The following TPCN2 variants were observed in gnomAD, a reference collection of about 807,000 sequenced individuals.
The protein encoded by TPCN2 is two pore segment channel 2.
In TPCN2, 92 loss-of-function variants were observed where a neutral mutation model predicts 111.4. The observed-to-expected ratio is 0.83, with a 90% CI of 0.70 to 0.98. The LOEUF (loss-of-function observed/expected upper bound fraction) is 0.98. TPCN2 is among the 50% of genes least tolerant of loss of function. TPCN2 has a pLI of 0.00. For synonymous variants in TPCN2, 405 were observed against 414.5 expected, an observed-to-expected ratio of 0.98 and a Z score of 0.28; for missense variants, 995 against 980.1, an observed-to-expected ratio of 1.02 and a Z score of -0.20.
At chr11:69,064,434 T>C (rs2134557085) in intron 7 of TPCN2, among the ~76,000 whole-genome samples, 1 of 152,230 alleles carries the variant, frequency 6.6e-6, no homozygotes, top group South Asian at 2.1e-4. Flanking sequence ...AAGGCTGCGC[T>C]GGCCTACTGG....
At chr11:69,069,122 G>C (rs2134576222) in intron 8 of TPCN2, among the ~76,000 whole-genome samples, 1 of 136,590 alleles carries the variant, frequency 7.3e-6, no homozygotes, top group African/African-American at 2.7e-5. Context: ...AGTGACCGCA[G>C]TGGGAGCAGG....
intron 23 of TPCN2, 47 bp from the exon 24 acceptor site, chr11:69,087,065 C>T: frequency 6.4e-7 from 1 of 1,554,606 alleles, no homozygotes. Context: ...GGCAAGGCTG[C>T]TTTCATTCGG....
At chr11:69,085,777 A>C (rs1173796873) in intron 21 of TPCN2, 25 bp downstream of exon 21, 2 of 1,593,668 alleles carry the variant, frequency 1.3e-6, no homozygotes. Flanking sequence ...CTGTCCCAGC[A>C]CCCTGCTCCC....
rs961201910 is a variant in TPCN2, at chr11:69,055,492, C to G, written c.429+140C>G. Reference sequence around the variant, plus strand: ...ACTTTGACCCGGTGAGCAAGGCACACTTTCTTGGACAAGCAAGTGCCTGAG... The same window carrying G: ...ACTTTGACCCGGTGAGCAAGGCACAGTTTCTTGGACAAGCAAGTGCCTGAG... On this transcript the variant is annotated intron_variant, in intron 4 of 24. Transcript: ENST00000294309. The G allele has an allele frequency of 2.2e-6, 2 of 896,752 alleles. 1 individual carries two copies. Among genetic ancestry groups the G allele is most frequent in the Admixed American group, 6.1e-5 (2 of 32,824 alleles). The allele number at this position is 896,752 out of a possible 1,614,324, so 55.5% of individuals were successfully genotyped here.
At position 69,090,109 on chromosome 11, in the gene TPCN2, C is replaced by T. The variant is rs1008581478; in HGVS notation, c.*2156C>T. ...CCAGGATGTGGGTGCGAGGCGTGCTCCTGGCTGTTGCAGATTGCTGCACCC... is the reference window on the plus strand; with the variant it reads ...CCAGGATGTGGGTGCGAGGCGTGCTTCTGGCTGTTGCAGATTGCTGCACCC... On this transcript the variant is annotated 3_prime_UTR_variant, in exon 25 of 25. Coordinates refer to ENST00000294309, the MANE Select transcript of TPCN2 (RefSeq NM_139075.4). 6.6e-6 allele frequency: 1 copy of T among 152,144 alleles called. No individual in the cohort carries two copies. Among genetic ancestry groups the T allele is most frequent in the Non-Finnish European group, 1.5e-5 (1 of 68,050 alleles). The allele number at this position is 152,144 out of a possible 1,614,324, so 9.4% of individuals were successfully genotyped here. A position where few individuals can be genotyped will look rare whatever the true frequency, so the allele number is the denominator to read the frequency against.
chr11:69,085,787 C>T (rs1244277468), intron 21 of TPCN2, 35 bp downstream of exon 21: 1 of 1,613,262 alleles, frequency 6.2e-7, no homozygotes, highest in Non-Finnish European at 8.5e-7. Context: ...ACCCTGCTCC[C>T]CGGGCTCCTC....
chr11:69,075,474 C>T (rs1418330630), intron 13 of TPCN2, among the ~76,000 whole-genome samples: 2 of 152,224 alleles, frequency 1.3e-5, no homozygotes, highest in African/African-American at 4.8e-5. Flanking sequence ...CCTGTACATG[C>T]TCCGTACAGA....
intron 1 of TPCN2, among the ~76,000 whole-genome samples, chr11:69,051,334 G>C (rs1354648235): frequency 2.0e-5 from 3 of 152,278 alleles, no homozygotes; most frequent in Non-Finnish European, 4.4e-5. Context: ...TTGCGATGCT[G>C]TAGAGGCTTT....
At chr11:69,078,814 C>G in intron 15 of TPCN2, 21 bp downstream of exon 15, 1 of 1,614,106 alleles carries the variant, frequency 6.2e-7, no homozygotes, top group Non-Finnish European at 8.5e-7. Context: ...AGCTGTCCAC[C>G]TGTCAGGGCC....
chr11:69,072,124 C>A, intron 11 of TPCN2, 101 bp downstream of exon 11: 1 of 996,222 alleles, frequency 1.0e-6, no homozygotes, highest in Non-Finnish European at 1.5e-6. Flanking sequence ...TTGGCCTGTG[C>A]CTCGCCCCTG....
intron 9 of TPCN2, 146 bp from the exon 10 acceptor site, chr11:69,071,210 C>T (rs1267286847): frequency 1.5e-6 from 1 of 674,436 alleles, no homozygotes; most frequent in African/African-American, 1.8e-5. Flanking sequence ...CCTCGTCATC[C>T]TCCCACCTGT....
intron 1 of TPCN2, among the ~76,000 whole-genome samples, chr11:69,052,222 A>G (rs992816062): frequency 6.6e-6 from 1 of 151,996 alleles, no homozygotes; most frequent in African/African-American, 2.4e-5. Flanking sequence ...TCTCTTGTCT[A>G]AGAAGCTTGT....
At chr11:69,080,217 G>A (rs1381656419) in intron 17 of TPCN2, among the ~76,000 whole-genome samples, 4 of 152,244 alleles carry the variant, frequency 2.6e-5, no homozygotes, top group African/African-American at 9.6e-5. Context: ...CCTGGCTCAG[G>A]TCTCAGGGGA....
intron 7 of TPCN2, among the ~76,000 whole-genome samples, chr11:69,066,458 G>A (rs920946203): frequency 6.6e-6 from 1 of 152,216 alleles, no homozygotes; most frequent in African/African-American, 2.4e-5. Context: ...CCAGCAGACT[G>A]TGGAGTCTTC....
Position 69,083,926 on chromosome 11 carries a change from GCT to G in TPCN2, c.1690-14_1690-13del. ...TGGGGCCAGGAGGAGTAAGGGCTGT[GCT>G]CTCTTCCTGTCCTCAGCTGATGGCC... On this transcript the variant is annotated splice_polypyrimidine_tract_variant and intron_variant, in intron 18 of 24. Coordinates refer to ENST00000294309, the MANE Select transcript of TPCN2 (RefSeq NM_139075.4). The G allele has an allele frequency of 6.2e-7, 1 of 1,612,792 alleles. No individual in the cohort carries two copies. Among genetic ancestry groups the G allele is most frequent in the Non-Finnish European group, 8.5e-7 (1 of 1,178,794 alleles).
chr11:69,063,767 G>A, intron 6 of TPCN2, 128 bp from the exon 7 acceptor site: 1 of 820,278 alleles, frequency 1.2e-6, no homozygotes, highest in Non-Finnish European at 2.0e-6. Flanking sequence ...GGGGGACCCA[G>A]CTGCTGCCTG....
chr11:69,086,959 A>G (rs1485268387), intron 23 of TPCN2, among the ~76,000 whole-genome samples, 153 bp from the exon 24 acceptor site: 1 of 152,164 alleles, frequency 6.6e-6, no homozygotes. Flanking sequence ...AGGAGGAGCC[A>G]GCAGCCTCGT....
At chr11:69,073,879 A>G (rs546149362) in intron 13 of TPCN2, among the ~76,000 whole-genome samples, 51 of 151,446 alleles carry the variant, frequency 3.4e-4, no homozygotes, top group African/African-American at 1.2e-3. Context: ...GCCTCTCTCC[A>G]TGGCTGTAGA....
intron 17 of TPCN2, 113 bp from the exon 18 acceptor site, chr11:69,081,287 G>A (rs1003472467): frequency 2.7e-5 from 18 of 667,976 alleles, no homozygotes; most frequent in South Asian, 8.9e-5. Context: ...GTGCACTCCC[G>A]TCATGCCCTG....
Sources: gnomAD v4.1 joint callset for allele counts (sites outside exome capture counted in the v4.1 genomes callset) on GRCh38, gnomAD v4.1.1 for gene constraint, MANE v1.5 for transcripts, NCBI Gene and HGNC (gene_info 2026-07-23, HGNC 2026-07-21) for gene names.